Variants in CALB1 observed in about 807,000 individuals in gnomAD.
The protein encoded by CALB1 is calbindin 1.
In CALB1, 16 loss-of-function variants were observed where a neutral mutation model predicts 46.7. The ratio of observed to expected loss-of-function variants is 0.34; its 90% CI spans 0.23 to 0.52. The LOEUF (loss-of-function observed/expected upper bound fraction) is 0.52. Ranked by LOEUF, CALB1 falls within the 20% of genes least tolerant of loss-of-function variation. The probability of loss-of-function intolerance (pLI) is 0.95; values close to 1 mark genes in which losing one functional copy is unlikely to be tolerated. For missense variants in CALB1, 224 were observed against 300.3 expected, an observed-to-expected ratio of 0.75 and a Z score of 1.88; for synonymous variants, 90 against 112.8, an observed-to-expected ratio of 0.80 and a Z score of 1.28.
At chr8:90,069,260 G>C in intron 3 of CALB1, 23 bp from the exon 4 acceptor site, 1 of 1,586,070 alleles carries the variant, frequency 6.3e-7, no homozygotes, top group Non-Finnish European at 8.7e-7. Context: ...TAAGAAGAGA[G>C]AAACGTGTTG....
chr8:90,063,381 T>C (rs1225582647), intron 7 of CALB1, 25 bp downstream of exon 7: 3 of 1,600,956 alleles, frequency 1.9e-6, no homozygotes, highest in Non-Finnish European at 2.6e-6. Flanking sequence ...CCACTTACAA[T>C]ATTTTTCATG....
chr8:90,075,131 G>T (rs1262135285), intron 3 of CALB1, among the ~76,000 whole-genome samples: 1 of 152,154 alleles, frequency 6.6e-6, no homozygotes, highest in Non-Finnish European at 1.5e-5. Flanking sequence ...TTAAAGGCAA[G>T]AAATTAGAAA....
intron 5 of CALB1, among the ~76,000 whole-genome samples, chr8:90,068,099 C>T (rs1351095639): frequency 1.3e-5 from 2 of 152,110 alleles, no homozygotes; most frequent in Non-Finnish European, 2.9e-5. Flanking sequence ...AGAATACTTC[C>T]ATATTCCTGA....
At chr8:90,069,371 G>T in intron 3 of CALB1, 134 bp from the exon 4 acceptor site, 1 of 693,730 alleles carries the variant, frequency 1.4e-6, no homozygotes, top group Non-Finnish European at 2.6e-6. Flanking sequence ...AAACATTAGA[G>T]TCGGCTTTCC....
In CALB1 at chr8:90,081,968, G is replaced by A. The variant is rs1003542409; in HGVS notation, c.156+58C>T. ...CTACTGGCTTTTTGTGAAAACACAA[G>A]AATGTTTTAATTTGGGGGTTAAAAG... On this transcript the variant is annotated intron_variant, in intron 2 of 10. Coordinates refer to ENST00000265431, the MANE Select transcript of CALB1 (RefSeq NM_004929.4). 3 of 1,440,878 alleles carry A rather than the reference G, an allele frequency of 2.1e-6. No homozygotes were observed. The Admixed American group carries it at 5.4e-5, about 26-fold the overall frequency. The allele number at this position is 1,440,878 out of a possible 1,614,324, so 89.3% of individuals were successfully genotyped here.
intron 3 of CALB1, among the ~76,000 whole-genome samples, chr8:90,070,844 G>A (rs1814499996): frequency 1.4e-5 from 1 of 70,084 alleles, no homozygotes; most frequent in Non-Finnish European, 3.0e-5. Context: ...TGCAGTGTGT[G>A]TGTGTGTGTG....
At chr8:90,076,775 G>A (rs1376372951) in intron 3 of CALB1, among the ~76,000 whole-genome samples, 2 of 151,774 alleles carry the variant, frequency 1.3e-5, no homozygotes, top group African/African-American at 2.4e-5. Context: ...TCAAAATAGC[G>A]CTGAAATAAT....
At position 90,065,956 on chromosome 8, in the gene CALB1, A is replaced by G; in HGVS notation, c.392T>C (p.Leu131Pro). ...ATCAACAGTCTTGTTTGCTTTTTCT[A>G]GCAGGTCCTTTAGAAAGTTCTGTTA... ...EELKNFLKDL[L>P]EKANKTVDDT... The change falls in exon 6 of 11, where the codon CTA becomes CCA. Residue 131 changes from leucine to proline, a missense_variant. Physicochemically the swap from Leu to Pro is moderately conservative, Grantham distance 98. Coordinates refer to ENST00000265431, the MANE Select transcript of CALB1 (RefSeq NM_004929.4). The G allele has an allele frequency of 6.2e-7, 1 of 1,609,928 alleles. No individual in the cohort carries two copies.
intron 5 of CALB1, among the ~76,000 whole-genome samples, chr8:90,068,789 A>T (rs1814445903): frequency 6.6e-6 from 1 of 152,074 alleles, no homozygotes. Context: ...AAAAATGTTA[A>T]TTTTTTGCAT....
At chr8:90,072,492 G>A (rs1044839681) in intron 3 of CALB1, among the ~76,000 whole-genome samples, 2 of 152,184 alleles carry the variant, frequency 1.3e-5, no homozygotes, top group African/African-American at 2.4e-5. Flanking sequence ...ATAAATGTTA[G>A]AAAGGAGTCT....
intron 10 of CALB1, 40 bp downstream of exon 10, chr8:90,060,589 A>T: frequency 6.7e-7 from 1 of 1,500,230 alleles, no homozygotes. Flanking sequence ...GGATCCACAG[A>T]GTCTGCTTAA....
intron 3 of CALB1, among the ~76,000 whole-genome samples, chr8:90,070,140 C>T (rs1814482850): frequency 6.6e-6 from 1 of 152,158 alleles, no homozygotes; most frequent in African/African-American, 2.4e-5. Context: ...CGAGCCATTT[C>T]TGGACTTCAG....
chr8:90,082,199 G>T, intron 1 of CALB1, 97 bp from the exon 2 acceptor site: 1 of 1,070,500 alleles, frequency 9.3e-7, no homozygotes. Context: ...CGACCCGAGA[G>T]GCTCTCTCTT....
chr8:90,078,938 C>A (rs952642087), intron 2 of CALB1, among the ~76,000 whole-genome samples: 1 of 151,952 alleles, frequency 6.6e-6, no homozygotes, highest in African/African-American at 2.4e-5. Flanking sequence ...GATTAACTCA[C>A]TTTGTAAGCA....
chr8:90,079,995 T>A (rs1814699363), intron 2 of CALB1, among the ~76,000 whole-genome samples: 1 of 151,966 alleles, frequency 6.6e-6, no homozygotes, highest in Non-Finnish European at 1.5e-5. Context: ...TGCAATGAAG[T>A]TAGTAGTATA....
intron 3 of CALB1, among the ~76,000 whole-genome samples, chr8:90,077,844 T>A (rs1189792469): frequency 6.6e-6 from 1 of 152,132 alleles, no homozygotes; most frequent in African/African-American, 2.4e-5. Flanking sequence ...AGTTAAATTA[T>A]TCTGTTTTTA....
In CALB1 at chr8:90,059,293, C is replaced by T. The variant is rs1814252850; in HGVS notation, c.*880G>A. The T allele has an allele frequency of 6.6e-6, 1 of 152,378 alleles. No homozygotes were observed. The highest frequency in any genetic ancestry group is 2.4e-5 in the African/African-American group (1 of 41,390). The allele number at this position is 152,378 out of a possible 1,614,324, so 9.4% of individuals were successfully genotyped here. The stretch of plus-strand genomic sequence containing the variant: ...TGTTATAGCTAGAAAAAAATATTTT[C>T]AGAGGCAGCAGATACCCTTGGTGGA... On this transcript the variant is annotated 3_prime_UTR_variant, in exon 11 of 11. Transcript: ENST00000265431.
intron 3 of CALB1, among the ~76,000 whole-genome samples, chr8:90,076,500 T>A (rs1471531307): frequency 6.6e-6 from 1 of 152,058 alleles, no homozygotes; most frequent in South Asian, 2.1e-4. Flanking sequence ...TCAAATGAGA[T>A]AACATATTTG....
intron 5 of CALB1, among the ~76,000 whole-genome samples, chr8:90,067,300 T>C (rs895576584): frequency 7.2e-5 from 11 of 152,150 alleles, no homozygotes; most frequent in African/African-American, 2.7e-4. Flanking sequence ...CAACTTATCT[T>C]CAAAATTCCC....
Sources: gnomAD v4.1 joint callset for allele counts (sites outside exome capture counted in the v4.1 genomes callset) on GRCh38, gnomAD v4.1.1 for gene constraint, MANE v1.5 for transcripts, NCBI Gene and HGNC (gene_info 2026-07-23, HGNC 2026-07-21) for gene names.